CEACAM5: variants seen among roughly 807,000 people sequenced by gnomAD.
CEACAM5 encodes the protein cell adhesion molecule CEACAM5.
CEACAM5 carries 52 observed loss-of-function variants against 63.0 expected under a neutral mutation model. That is an observed-to-expected ratio of 0.83 (90% CI 0.66 to 1.04). CEACAM5 has a LOEUF of 1.04. Ranked by LOEUF, CEACAM5 falls within the 50% of genes least tolerant of loss-of-function variation. The probability of loss-of-function intolerance (pLI) is 0.00; values close to 1 mark genes in which losing one functional copy is unlikely to be tolerated. For missense variants in CEACAM5, 790 were observed against 864.8 expected (o/e 0.91, Z 1.08); for synonymous variants, 357 against 351.3 (o/e 1.02, Z -0.18).
At position 41,729,759 on chromosome 19, in the gene CEACAM5, C is replaced by T. The variant is rs1486334202; in HGVS notation, c.*612C>T. On this transcript the variant is annotated 3_prime_UTR_variant, in exon 10 of 10. Transcript: ENST00000221992. ...TTTTTTTCTTTTAAGCTATCCACAG[C>T]TTACAGCAATTTGATAAAATATACT... 6.6e-6 allele frequency: 1 copy of T among 152,166 alleles called. No homozygotes were observed. Among genetic ancestry groups the T allele is most frequent in the Non-Finnish European group, 1.5e-5 (1 of 68,032 alleles). 9.4% of individuals were successfully genotyped at this position (152,166 alleles called of 1,614,324 possible).
intron 2 of CEACAM5, 193 bp downstream of exon 2, chr19:41,710,232 C>G: frequency 1.1e-6 from 1 of 923,422 alleles, no homozygotes; most frequent in Admixed American, 2.5e-5. Flanking sequence ...CATCCAGACC[C>G]TGCAGACACT....
chr19:41,709,564 A>ACACACACACACACACT (rs1309867435), intron 1 of CEACAM5, 116 bp from the exon 2 acceptor site: 1 of 1,347,148 alleles, frequency 7.4e-7, no homozygotes, highest in African/African-American at 1.4e-5. Flanking sequence ...ACACACACAC[A>ACACACACACACACACT]CACTCACTCA....
chr19:41,730,502 A>G (rs1436198989), downstream of CEACAM5, among the ~76,000 whole-genome samples: 1 of 152,178 alleles, frequency 6.6e-6, no homozygotes, highest in Non-Finnish European at 1.5e-5. Flanking sequence ...ATGAAAATAA[A>G]CTTATTTTGA....
Position 41,718,240 on chromosome 19 carries a change from G to A in CEACAM5, c.1350G>A (p.Leu450=), listed in dbSNP as rs2072560169. Residue 450 remains leucine (L), a synonymous_variant, in exon 6 of 10, where the codon CTG becomes CTA. Transcript: ENST00000221992. ...ACCCACCTGCACAGTATTCTTGGCTGATTGATGGGAACATCCAGCAACACA... is the reference window on the plus strand; with the variant it reads ...ACCCACCTGCACAGTATTCTTGGCTAATTGATGGGAACATCCAGCAACACA... ...ASNPPAQYSW[L]IDGNIQQHTQ... is the part of the protein sequence containing the mutation. The A allele has an allele frequency of 1.2e-6, 2 of 1,614,060 alleles. No homozygotes were observed. Among genetic ancestry groups the A allele is most frequent in the Non-Finnish European group, 8.5e-7 (1 of 1,180,050 alleles).
chr19:41,715,926 T>A, intron 4 of CEACAM5, 22 bp downstream of exon 4: 2 of 1,606,342 alleles, frequency 1.2e-6, no homozygotes, highest in East Asian at 4.5e-5. Flanking sequence ...CACGAAGCAC[T>A]GACATCATGT....
chr19:41,709,117 T>C (rs888299701), intron 1 of CEACAM5, among the ~76,000 whole-genome samples: 2 of 152,186 alleles, frequency 1.3e-5, no homozygotes, highest in African/African-American at 4.8e-5. Context: ...CCGCGGACAT[T>C]GGAAAATAAG....
Position 41,717,659 on chromosome 19 carries a change from T to A in CEACAM5, c.1163T>A (p.Val388Glu). The change falls in exon 5 of 10, where the codon GTA (valine) becomes GAA (glutamate). Residue 388 changes from valine (V) to glutamate (E), a missense_variant. By Grantham distance (121) the Val-to-Glu change is moderately radical. Coordinates refer to ENST00000221992, the MANE Select transcript of CEACAM5 (RefSeq NM_004363.6). Reference protein sequence around the residue: ...LTLLSVTRNDVGPYECGIQNE... With the variant: ...LTLLSVTRNDEGPYECGIQNE... ...CTACTCAGTGTCACAAGGAATGATG[T>A]AGGACCCTATGAGTGTGGAATCCAG... 6.2e-7 allele frequency: 1 copy of A among 1,614,178 alleles called. No individual in the cohort carries two copies. The highest frequency in any genetic ancestry group is 8.5e-7 in the Non-Finnish European group (1 of 1,180,014).
At chr19:41,723,452 G>T (rs1422556658) in intron 8 of CEACAM5, among the ~76,000 whole-genome samples, 3 of 152,212 alleles carry the variant, frequency 2.0e-5, no homozygotes, top group African/African-American at 7.2e-5. Context: ...TTGGCCATTT[G>T]TATATCTTCC....
In CEACAM5 at chr19:41,708,658, C is replaced by A; in HGVS notation, c.-74C>A. 7.4e-7 allele frequency: 1 copy of A among 1,350,062 alleles called. No individual in the cohort carries two copies. Among genetic ancestry groups the A allele is most frequent in the Non-Finnish European group, 1.0e-6 (1 of 956,662 alleles). The allele number at this position is 1,350,062 out of a possible 1,614,324, so 83.6% of individuals were successfully genotyped here. A position where few individuals can be genotyped will look rare whatever the true frequency, so the allele number is the denominator to read the frequency against. ...GGAAGGACAGCAGACCAGACAGTCA[C>A]AGCAGCCTTGACAAAACGTTCCTGG... On this transcript the variant is annotated 5_prime_UTR_variant, in exon 1 of 10. Transcript: ENST00000221992.
intron 2 of CEACAM5, among the ~76,000 whole-genome samples, chr19:41,710,860 A>C (rs1555813939): frequency 6.6e-6 from 1 of 152,218 alleles, no homozygotes; most frequent in East Asian, 1.9e-4. Flanking sequence ...AGCTGAGATC[A>C]AGTAATTGTA....
intron 4 of CEACAM5, among the ~76,000 whole-genome samples, chr19:41,717,152 G>A (rs933202827): frequency 1.1e-4 from 17 of 152,236 alleles, no homozygotes; most frequent in African/African-American, 4.1e-4. Flanking sequence ...CAGCCAGCCA[G>A]TCAGGAAAGG....
intron 2 of CEACAM5, among the ~76,000 whole-genome samples, chr19:41,712,783 C>A (rs1054151909): frequency 6.6e-6 from 1 of 152,200 alleles, no homozygotes; most frequent in Non-Finnish European, 1.5e-5. Context: ...GATCTTAGAT[C>A]TTTAGGCCAT....
Position 41,710,038 on chromosome 19 carries a change from C to A in CEACAM5, c.423C>A (p.Tyr141Ter). The change falls in exon 2 of 10, where the codon TAC (tyrosine) becomes TAA (stop). Residue 141 changes from tyrosine (Y) to a stop codon, truncating the protein, a stop_gained and splice_region_variant. Coordinates refer to ENST00000221992, the MANE Select transcript of CEACAM5 (RefSeq NM_004363.6). LOFTEE classifies it high-confidence loss of function. The stretch of plus-strand genomic sequence containing the variant: ...AAGCAACTGGCCAGTTCCGGGTATA[C>A]CGTGAGTGATTCCCCCATGACCTCT... ...NEEATGQFRV[Y>*]PELPKPSISS... 6.3e-7 allele frequency: 1 copy of A among 1,594,036 alleles called. No individual in the cohort carries two copies.
chr19:41,716,286 T>C (rs2072525732), intron 4 of CEACAM5, among the ~76,000 whole-genome samples: 2 of 152,218 alleles, frequency 1.3e-5, no homozygotes, highest in South Asian at 4.1e-4. Flanking sequence ...ACAAGCAACA[T>C]TCAAGGCTTT....
chr19:41,714,615 C>T (rs2072488978), intron 2 of CEACAM5, among the ~76,000 whole-genome samples: 1 of 152,218 alleles, frequency 6.6e-6, no homozygotes, highest in Non-Finnish European at 1.5e-5. Context: ...GGACCCAGCA[C>T]TTGAATGTTC....
chr19:41,715,950 C>A, intron 4 of CEACAM5, 46 bp downstream of exon 4: 2 of 1,590,734 alleles, frequency 1.3e-6, no homozygotes, highest in South Asian at 2.3e-5. Flanking sequence ...GAGGTGGAGT[C>A]TGTCTGGTTT....
intron 8 of CEACAM5, among the ~76,000 whole-genome samples, chr19:41,725,718 A>T (rs1196484726): frequency 1.3e-5 from 2 of 152,040 alleles, no homozygotes; most frequent in Admixed American, 6.6e-5. Flanking sequence ...CTTTTTTCTT[A>T]GTCAATCTAA....
Position 41,709,737 on chromosome 19 carries a change from C to G in CEACAM5, c.122C>G (p.Thr41Arg). ...PTTAKLTIESTPFNVAEGKEV... is the reference protein window; with the variant it reads ...PTTAKLTIESRPFNVAEGKEV... ...ACTGCCAAGCTCACTATTGAATCCA[C>G]GCCGTTCAATGTCGCAGAGGGGAAG... is the stretch of plus-strand genomic sequence containing the variant. Residue 41 changes from threonine to arginine, a missense_variant, in exon 2 of 10, where the codon ACG becomes AGG. Coordinates refer to ENST00000221992, the MANE Select transcript of CEACAM5 (RefSeq NM_004363.6). The G allele has an allele frequency of 6.2e-7, 1 of 1,614,122 alleles. No individual in the cohort carries two copies. Among genetic ancestry groups the G allele is most frequent in the Non-Finnish European group, 8.5e-7 (1 of 1,180,010 alleles).
rs1158149877 is a variant in CEACAM5, at chr19:41,727,387, C to G, written c.*36+35C>G. On this transcript the variant is annotated intron_variant, in intron 9 of 9. Transcript: ENST00000221992. The stretch of plus-strand genomic sequence containing the variant: ...ATGGCCTTTCCTCTTGTTCTGTTTC[C>G]TGCAGTGCTGACTGCCATGCTTGGG... The G allele has an allele frequency of 2.8e-6, 3 of 1,059,590 alleles. No homozygotes were observed. In the African/African-American group the frequency reaches 4.7e-5, roughly 17 times the overall value. 65.6% of individuals were successfully genotyped at this position (1,059,590 alleles called of 1,614,324 possible). A position where few individuals can be genotyped will look rare whatever the true frequency, so the allele number is the denominator to read the frequency against.
Sources: allele counts gnomAD v4.1 joint callset (sites outside exome capture counted in the v4.1 genomes callset), GRCh38; gene constraint gnomAD v4.1.1; transcripts MANE v1.5; gene names NCBI Gene and HGNC (gene_info 2026-07-23, HGNC 2026-07-21).